The following MEAK7 variants were observed in gnomAD, a reference collection of about 807,000 sequenced individuals.
MEAK7 encodes MTOR associated protein MEAK7.
Under a neutral mutation model 40.5 loss-of-function variants are expected in MEAK7, and 68 were observed. The ratio of observed to expected loss-of-function variants is 1.68; its 90% CI spans 1.38 to 2.06. MEAK7 has a LOEUF of 2.06. MEAK7 is among the 30% of genes most tolerant of loss of function. The probability of loss-of-function intolerance (pLI) is 0.00; values close to 1 mark genes in which losing one functional copy is unlikely to be tolerated. For synonymous variants in MEAK7, 338 were observed against 231.9 expected (o/e 1.46, Z -4.16); for missense variants, 918 against 580.5 (o/e 1.58, Z -5.98).
chr16:84,495,826 C>G lies in MEAK7; in HGVS notation c.241G>C (p.Gly81Arg). The G allele has an allele frequency of 6.2e-7, 1 of 1,614,102 alleles. No homozygotes were observed. The highest frequency in any genetic ancestry group is 8.5e-7 in the Non-Finnish European group (1 of 1,180,030). The part of the protein sequence containing the change: ...RRVDLTGKAK[G>R]PSENVSQEQF... Reference sequence around the variant, plus strand: ...TCCTGGGACACGTTCTCACTGGGTCCCTTCGCCTTCCCTGTCAGGTCGACC... The same window carrying G: ...TCCTGGGACACGTTCTCACTGGGTCGCTTCGCCTTCCCTGTCAGGTCGACC... The change falls in exon 3 of 8, where the codon GGA becomes CGA. Residue 81 changes from glycine to arginine, a missense_variant. Physicochemically the swap from Gly to Arg is moderately radical, Grantham distance 125 (BLOSUM62 -2). Transcript: ENST00000343629.
intron 3 of MEAK7, among the ~76,000 whole-genome samples, chr16:84,491,831 C>G (rs116716496): frequency 7.7e-6 from 1 of 130,052 alleles, no homozygotes; most frequent in Non-Finnish European, 1.7e-5. Flanking sequence ...CGCAAGACTC[C>G]GTCTCAAAAA....
intron 2 of MEAK7, chr16:84,497,253 T>C (rs1278793194): frequency 7.3e-6 from 3 of 410,098 alleles, no homozygotes; most frequent in Non-Finnish European, 1.3e-5. Flanking sequence ...TCCTTGTCAG[T>C]GTCTTGCCTC....
chr16:84,503,892 G>A (rs1426913256), intron 1 of MEAK7: 7 of 977,050 alleles, frequency 7.2e-6, no homozygotes, highest in Non-Finnish European at 7.3e-6. Flanking sequence ...CACCCTGGCT[G>A]CCAAGCTCCA....
Position 84,495,749 on chromosome 16 carries a change from C to G in MEAK7, c.318G>C (p.Lys106Asn), listed in dbSNP as rs1252109185. 5 of 1,613,870 alleles carry G rather than the reference C, an allele frequency of 3.1e-6. No homozygotes were observed. In the East Asian group the frequency reaches 1.1e-4, roughly 36 times the overall value. Residue 106 changes from lysine to asparagine, a missense_variant, in exon 3 of 8, where the codon AAG becomes AAC. Lys to Asn is a moderately conservative substitution (Grantham distance 94). Transcript: ENST00000343629. ...AAATCATTTTCATAATCATGAGACT[C>G]TTCTCCTCGGAGTTTCCTTTCAACA... ...SHLLKGNSEEKSLMIMKMISA... is the reference protein window; with the variant it reads ...SHLLKGNSEENSLMIMKMISA...
At chr16:84,502,775 G>C (rs141962952) in intron 1 of MEAK7, 1 of 152,364 alleles carries the variant, frequency 6.6e-6, no homozygotes, top group African/African-American at 2.4e-5. Context: ...GGAGGCTGAG[G>C]TGGGAAGATC....
At chr16:84,498,132 A>C (rs1914208951) in intron 1 of MEAK7, 21 bp from the exon 2 acceptor site, 1 of 1,537,394 alleles carries the variant, frequency 6.5e-7, no homozygotes. Flanking sequence ...AAAAGACACA[A>C]CATTAGAAAA....
Position 84,477,064 on chromosome 16 carries a change from G to T in MEAK7, c.*2849C>A, listed in dbSNP as rs143957699. The T allele has an allele frequency of 2.0e-5, 3 of 151,866 alleles. No homozygotes were observed. Among genetic ancestry groups the T allele is most frequent in the East Asian group, 3.9e-4 (2 of 5,164 alleles). The allele number at this position is 151,866 out of a possible 1,614,324, so 9.4% of individuals were successfully genotyped here. A position where few individuals can be genotyped will look rare whatever the true frequency, so the allele number is the denominator to read the frequency against. On this transcript the variant is annotated 3_prime_UTR_variant, in exon 8 of 8. Coordinates refer to ENST00000343629, the MANE Select transcript of MEAK7 (RefSeq NM_020947.4). Reference sequence around the variant, plus strand: ...GTGTTACCATGCCTGGTTAATTTTCGTATTTTTTTTTGTAGAGATGGGTTT... The same window carrying T: ...GTGTTACCATGCCTGGTTAATTTTCTTATTTTTTTTTGTAGAGATGGGTTT...
At chr16:84,481,171 G>A (rs1369038078) in intron 6 of MEAK7, among the ~76,000 whole-genome samples, 3 of 152,214 alleles carry the variant, frequency 2.0e-5, no homozygotes, top group African/African-American at 4.8e-5. Context: ...ACTCAGCTCC[G>A]AGTGTGTGGC....
intron 2 of MEAK7, chr16:84,497,055 T>TTTGC (rs1914110408): frequency 6.3e-6 from 1 of 159,794 alleles, no homozygotes; most frequent in African/African-American, 2.4e-5. Flanking sequence ...TGGTTTTTTG[T>TTTGC]TTGTTTGTTT....
In MEAK7 at chr16:84,494,962, A is replaced by T. The variant is rs533198337; in HGVS notation, c.384+721T>A. On this transcript the variant is annotated intron_variant, in intron 3 of 7. Transcript: ENST00000343629. ...TTTGTTCCTAAGCAGACAGCTACAG[A>T]TAAAAGGTTTAAAATCTCCACAGCT... 59 of 378,884 alleles carry T rather than the reference A, an allele frequency of 1.6e-4. 1 individual carries two copies. In the Admixed American group the frequency reaches 1.9e-3, roughly 12 times the overall value. The allele number at this position is 378,884 out of a possible 1,614,324, so 23.5% of individuals were successfully genotyped here.
At chr16:84,493,672 G>C (rs1351892751) in intron 3 of MEAK7, among the ~76,000 whole-genome samples, 1 of 152,070 alleles carries the variant, frequency 6.6e-6, no homozygotes, top group Non-Finnish European at 1.5e-5. Flanking sequence ...CTATTTGTGA[G>C]TATTCTTAAT....
intron 1 of MEAK7, among the ~76,000 whole-genome samples, chr16:84,501,229 T>G (rs951077254): frequency 1.3e-5 from 2 of 151,964 alleles, no homozygotes; most frequent in Non-Finnish European, 2.9e-5. Context: ...CAGCTGAGTC[T>G]TCAGAGACTC....
At chr16:84,494,037 C>G (rs1245073508) in intron 3 of MEAK7, among the ~76,000 whole-genome samples, 1 of 151,790 alleles carries the variant, frequency 6.6e-6, no homozygotes, top group Non-Finnish European at 1.5e-5. Context: ...AAGGTCTAAT[C>G]TAAAAAAATG....
intron 4 of MEAK7, 192 bp from the exon 5 acceptor site, chr16:84,487,251 A>G (rs1597938402): frequency 1.9e-6 from 1 of 523,118 alleles, no homozygotes; most frequent in East Asian, 3.0e-5. Context: ...GGTATGAAAA[A>G]AGAATGTAAA....
At chr16:84,495,447 G>A (rs1913958941) in intron 3 of MEAK7, among the ~76,000 whole-genome samples, 2 of 152,006 alleles carry the variant, frequency 1.3e-5, no homozygotes, top group Non-Finnish European at 2.9e-5. Context: ...TCCTTCCCCT[G>A]CAGTCTGCTT....
chr16:84,479,354 C>T lies in MEAK7; in HGVS notation c.*559G>A, dbSNP rs924594632. Reference sequence around the variant, plus strand: ...GCCATATGAACCCCAGCGGGAGGAACCCCCTCCTCAATAGAGAAGTTGAGA... The same window carrying T: ...GCCATATGAACCCCAGCGGGAGGAATCCCCTCCTCAATAGAGAAGTTGAGA... On this transcript the variant is annotated 3_prime_UTR_variant, in exon 8 of 8. Transcript: ENST00000343629. The T allele has an allele frequency of 2.6e-5, 4 of 152,216 alleles. No homozygotes were observed. The highest frequency in any genetic ancestry group is 7.2e-5 in the African/African-American group (3 of 41,446). 9.4% of individuals were successfully genotyped at this position (152,216 alleles called of 1,614,324 possible). A position where few individuals can be genotyped will look rare whatever the true frequency, so the allele number is the denominator to read the frequency against.
chr16:84,482,646 G>A lies in MEAK7; in HGVS notation c.1023C>T (p.Tyr341=). ...PSMAVYTHTG[Y]NDHYMYLNHG... is the part of the protein sequence containing the mutation. ...GGTTCAAGTACATGTAGTGGTCGTT[G>A]TAGCCCGTGTGTGTGTACACAGCCA... Residue 341 remains tyrosine, a synonymous_variant, in exon 6 of 8, where the codon TAC becomes TAT. Coordinates refer to ENST00000343629, the MANE Select transcript of MEAK7 (RefSeq NM_020947.4). 1 of 1,614,254 alleles carries A rather than the reference G, an allele frequency of 6.2e-7. No individual in the cohort carries two copies. Among genetic ancestry groups the A allele is most frequent in the Non-Finnish European group, 8.5e-7 (1 of 1,180,048 alleles).
chr16:84,494,120 T>G (rs1567500702), intron 3 of MEAK7, among the ~76,000 whole-genome samples: 1 of 152,228 alleles, frequency 6.6e-6, no homozygotes, highest in Non-Finnish European at 1.5e-5. Context: ...GCAAAGATAA[T>G]TCAAAGAGAG....
chr16:84,498,102 G>A lies in MEAK7; in HGVS notation c.-16C>T. On this transcript the variant is annotated 5_prime_UTR_variant, in exon 2 of 8. Transcript: ENST00000343629. ...TGTTCCCCATCTGTCCTGATATCTG[G>A]CAGAATTCTCTGCAGAAGGAAAAGA... 1.9e-6 allele frequency: 3 copies of A among 1,566,864 alleles called. No individual in the cohort carries two copies. Among genetic ancestry groups the A allele is most frequent in the Non-Finnish European group, 1.7e-6 (2 of 1,159,392 alleles).
Sources: allele counts gnomAD v4.1 joint callset (sites outside exome capture counted in the v4.1 genomes callset), GRCh38; gene constraint gnomAD v4.1.1; transcripts MANE v1.5; gene names NCBI Gene and HGNC (gene_info 2026-07-23, HGNC 2026-07-21).